The following TBC1D20 variants were observed in gnomAD, a reference collection of about 807,000 sequenced individuals.
The protein encoded by TBC1D20 is TBC1 domain family member 20.
TBC1D20 carries 12 observed loss-of-function variants against 41.6 expected under a neutral mutation model. That is an observed-to-expected ratio of 0.29 (90% confidence interval 0.18 to 0.47). TBC1D20 has a LOEUF of 0.47. Ranked by LOEUF, TBC1D20 falls within the 20% of genes least tolerant of loss-of-function variation. The pLI is 1.00. For synonymous variants in TBC1D20, 205 were observed against 204.8 expected, an observed-to-expected ratio of 1.00 and a Z score of -0.01; for missense variants, 421 against 517.4, an observed-to-expected ratio of 0.81 and a Z score of 1.81.
chr20:461,994 C>G (rs900648061), intron 1 of TBC1D20, among the ~76,000 whole-genome samples: 10 of 152,294 alleles, frequency 6.6e-5, no homozygotes, highest in African/African-American at 2.4e-4. Context: ...TGGCGGACGC[C>G]TGGGACGGGG....
rs1371154721 is a variant in TBC1D20 at position 462,231 on chromosome 20, C to T, written c.70+105G>A. The T allele has an allele frequency of 5.2e-6, 4 of 768,736 alleles. No individual in the cohort carries two copies. The Admixed American group carries it at 2.0e-4, about 39-fold the overall frequency. The allele number at this position is 768,736 out of a possible 1,614,324, so 47.6% of individuals were successfully genotyped here. ...TCGCCGCCCGGAACCCCGCAGCAGC[C>T]CCGGGTCCCCAGCCCGCGCCCCTCC... is the stretch of plus-strand genomic sequence containing the variant. On this transcript the variant is annotated intron_variant, in intron 1 of 7. Coordinates refer to ENST00000354200, the MANE Select transcript of TBC1D20 (RefSeq NM_144628.4).
At chr20:441,111 A>C (rs2017220721) in intron 5 of TBC1D20, 1 of 155,996 alleles carries the variant, frequency 6.4e-6, no homozygotes, top group African/African-American at 2.4e-5. Context: ...AGGCATAGCC[A>C]TTACCTTTTA....
intron 1 of TBC1D20, among the ~76,000 whole-genome samples, chr20:457,948 T>C (rs1383444170): frequency 7.4e-6 from 1 of 134,910 alleles, no homozygotes; most frequent in African/African-American, 2.5e-5. Flanking sequence ...ACATATTTAA[T>C]TTTTTTTTAA....
At chr20:451,282 C>T (rs1195457064) in intron 1 of TBC1D20, among the ~76,000 whole-genome samples, 2 of 152,164 alleles carry the variant, frequency 1.3e-5, no homozygotes, top group African/African-American at 2.4e-5. Flanking sequence ...CGGTGGCTCA[C>T]GTCTGTAATC....
intron 1 of TBC1D20, among the ~76,000 whole-genome samples, chr20:449,760 T>C (rs139334665): frequency 7.2e-5 from 11 of 152,336 alleles, no homozygotes; most frequent in African/African-American, 2.4e-4. Context: ...TGGTACACAG[T>C]AGATACTTAC....
intron 5 of TBC1D20, 192 bp from the exon 6 acceptor site, chr20:440,581 C>T (rs2017208888): frequency 1.5e-6 from 1 of 661,698 alleles, no homozygotes; most frequent in Non-Finnish European, 2.4e-6. Flanking sequence ...AACACTAACA[C>T]CACAACAGGG....
At chr20:444,247 C>T (rs772752707) in intron 3 of TBC1D20, among the ~76,000 whole-genome samples, 92 of 152,192 alleles carry the variant, frequency 6.0e-4, no homozygotes, top group Non-Finnish European at 5.1e-4. Flanking sequence ...TGGCAGGCTA[C>T]TGCTACCTGG....
chr20:446,941 GCATT>G (rs1206817928), intron 2 of TBC1D20, among the ~76,000 whole-genome samples: 2 of 134,354 alleles, frequency 1.5e-5, no homozygotes, highest in Non-Finnish European at 3.1e-5. Context: ...CACAAAATAC[GCATT>G]TTTTTTTTTT....
chr20:446,497 T>C (rs771504906), intron 2 of TBC1D20, among the ~76,000 whole-genome samples: 1 of 151,960 alleles, frequency 6.6e-6, no homozygotes, highest in Non-Finnish European at 1.5e-5. Context: ...TGTGCCACCA[T>C]ACTCAGCTAA....
chr20:437,320 A>C lies in TBC1D20; in HGVS notation c.*1266T>G, dbSNP rs568997751. ...GCCAAGAGAGAAGAGTGCCCAGGAA[A>C]GACCAGGAAAATACAAGTACATGGC... On this transcript the variant is annotated 3_prime_UTR_variant, in exon 8 of 8. Coordinates refer to ENST00000354200, the MANE Select transcript of TBC1D20 (RefSeq NM_144628.4). 10 of 152,632 alleles carry C rather than the reference A, an allele frequency of 6.6e-5. No homozygotes were observed. Among genetic ancestry groups the C allele is most frequent in the African/African-American group, 2.2e-4 (9 of 41,414 alleles). 9.5% of individuals were successfully genotyped at this position (152,632 alleles called of 1,614,324 possible). A position where few individuals can be genotyped will look rare whatever the true frequency, so the allele number is the denominator to read the frequency against.
chr20:452,889 C>G (rs2017469560), intron 1 of TBC1D20, among the ~76,000 whole-genome samples: 1 of 152,142 alleles, frequency 6.6e-6, no homozygotes, highest in Non-Finnish European at 1.5e-5. Flanking sequence ...GTGGTTCATG[C>G]CTGTGATCCC....
rs112161773 is a variant in TBC1D20, at chr20:441,706, C to T, written c.525-17G>A. The T allele has an allele frequency of 6.2e-7, 1 of 1,612,218 alleles. No homozygotes were observed. Among genetic ancestry groups the T allele is most frequent in the Non-Finnish European group, 8.5e-7 (1 of 1,178,322 alleles). On this transcript the variant is annotated splice_polypyrimidine_tract_variant and intron_variant, in intron 4 of 7. Transcript: ENST00000354200. ...ATAAAATCCCTGGAGGGAGACAATT[C>T]AATAAGCCTGGTTACCAAACACTTA...
intron 1 of TBC1D20, among the ~76,000 whole-genome samples, chr20:456,902 C>A (rs902544998): frequency 6.6e-6 from 1 of 150,590 alleles, no homozygotes; most frequent in Non-Finnish European, 1.5e-5. Flanking sequence ...GGAAAGGCTT[C>A]ACCAAGAATA....
chr20:456,368 C>T (rs978019337), intron 1 of TBC1D20, among the ~76,000 whole-genome samples: 8 of 152,096 alleles, frequency 5.3e-5, no homozygotes, highest in African/African-American at 1.9e-4. Context: ...TCCATTCATC[C>T]GCCTGCCCAT....
intron 5 of TBC1D20, chr20:440,638 T>TG (rs2017210460): frequency 4.8e-6 from 2 of 417,228 alleles, no homozygotes; most frequent in Non-Finnish European, 8.5e-6. Flanking sequence ...GGCCAACAAA[T>TG]GTCAACTACA....
chr20:460,558 T>C (rs756087074), intron 1 of TBC1D20, among the ~76,000 whole-genome samples: 4 of 152,198 alleles, frequency 2.6e-5, no homozygotes, highest in Non-Finnish European at 5.9e-5. Flanking sequence ...AACTAGCCTC[T>C]GTTTCTGGAG....
intron 3 of TBC1D20, among the ~76,000 whole-genome samples, chr20:443,078 C>T (rs544172136): frequency 1.3e-5 from 2 of 151,484 alleles, no homozygotes; most frequent in Admixed American, 6.6e-5. Context: ...GCAGCCCGGG[C>T]GAGAGAGCAA....
chr20:446,516 T>C (rs1370627296), intron 2 of TBC1D20, among the ~76,000 whole-genome samples: 1 of 151,984 alleles, frequency 6.6e-6, no homozygotes, highest in Non-Finnish European at 1.5e-5. Flanking sequence ...AATTTTTGTA[T>C]TTTTAGTAGA....
At chr20:462,278 C>T in intron 1 of TBC1D20, 58 bp downstream of exon 1, 2 of 1,186,076 alleles carry the variant, frequency 1.7e-6, no homozygotes, top group Admixed American at 8.0e-5. Context: ...CGCCAGCTGC[C>T]CCTGCCCCCC....
Sources: allele counts gnomAD v4.1 joint callset (sites outside exome capture counted in the v4.1 genomes callset), GRCh38; gene constraint gnomAD v4.1.1; transcripts MANE v1.5; gene names NCBI Gene and HGNC (gene_info 2026-07-23, HGNC 2026-07-21).